DLGAP2: variants seen among roughly 807,000 people sequenced by gnomAD.
DLGAP2 encodes disks large-associated protein 2.
Under a neutral mutation model 100.3 loss-of-function variants are expected in DLGAP2, and 26 were observed. That is an observed-to-expected ratio of 0.26 (90% CI 0.19 to 0.36). DLGAP2 has a LOEUF of 0.36. DLGAP2 is among the 10% of genes least tolerant of loss of function. The pLI, the probability that DLGAP2 is intolerant of heterozygous loss-of-function variation, is 1.00. For synonymous variants in DLGAP2, 886 were observed against 630.1 expected (o/e 1.41, Z -6.08); for missense variants, 1,858 against 1,453.2 (o/e 1.28, Z -4.53).
chr8:770,874 T>C (rs1341372524), intron 1 of DLGAP2, among the ~76,000 whole-genome samples: 1 of 57,212 alleles, frequency 1.7e-5, no homozygotes, highest in Non-Finnish European at 5.4e-5. Flanking sequence ...ATTATGCCTC[T>C]TTTTTTTTTT....
Position 738,012 on chromosome 8 carries a change from G to T in DLGAP2, c.18+187G>T, listed in dbSNP as rs576643015. On this transcript the variant is annotated intron_variant, in intron 1 of 14. Transcript: ENST00000637795. The stretch of plus-strand genomic sequence containing the variant: ...GGGACCCCAGGGACAGCCTGTGCTC[G>T]GGGGTCGCGCGTTGCGCTCCTCGCC... The T allele has an allele frequency of 8.2e-5, 26 of 316,434 alleles. No individual in the cohort carries two copies. The South Asian group carries it at 3.7e-3, about 46-fold the overall frequency. 19.6% of individuals were successfully genotyped at this position (316,434 alleles called of 1,614,324 possible).
At chr8:1,465,820 G>C (rs1584931150) in intron 3 of DLGAP2, among the ~76,000 whole-genome samples, 1 of 152,230 alleles carries the variant, frequency 6.6e-6, no homozygotes, top group Non-Finnish European at 1.5e-5. Context: ...TTCTTCCTCA[G>C]GGGCGTGAGG....
intron 2 of DLGAP2, among the ~76,000 whole-genome samples, chr8:974,647 C>T (rs1800117425): frequency 6.6e-6 from 1 of 152,124 alleles, no homozygotes; most frequent in African/African-American, 2.4e-5. Flanking sequence ...TTCTAAATAA[C>T]ACATTCGTCA....
At chr8:1,656,076 C>A (rs979513713) in intron 8 of DLGAP2, among the ~76,000 whole-genome samples, 4 of 152,190 alleles carry the variant, frequency 2.6e-5, no homozygotes, top group Non-Finnish European at 5.9e-5. Context: ...GTAATCCCAG[C>A]ACTTTGGGAG....
At chr8:823,572 G>T (rs765162525) in intron 1 of DLGAP2, among the ~76,000 whole-genome samples, 1 of 152,230 alleles carries the variant, frequency 6.6e-6, no homozygotes, top group East Asian at 1.9e-4. Flanking sequence ...CCAGCAGCAC[G>T]GGGCTCAGCA....
chr8:1,310,393 G>C lies in DLGAP2; in HGVS notation c.106+51510G>C, dbSNP rs542550588. 7.2e-5 allele frequency among the ~76,000 whole-genome samples: 11 copies of C among 152,242 alleles called. No homozygotes were observed. In the East Asian group the frequency reaches 2.1e-3, roughly 29 times the overall value. On this transcript the variant is annotated intron_variant, in intron 3 of 14. Coordinates refer to ENST00000637795, the MANE Select transcript of DLGAP2 (RefSeq NM_001346810.2). ...ATGTGAAGCAACCATTGATGGAATTGGAGAAAGTAAGGGGTAGCTCTAATC... is the reference window on the plus strand; with the variant it reads ...ATGTGAAGCAACCATTGATGGAATTCGAGAAAGTAAGGGGTAGCTCTAATC...
At chr8:1,632,545 C>T (rs760356565) in intron 7 of DLGAP2, among the ~76,000 whole-genome samples, 1 of 152,232 alleles carries the variant, frequency 6.6e-6, no homozygotes, top group Non-Finnish European at 1.5e-5. Context: ...ATCTCTCTTA[C>T]ACTTTGTAAT....
Position 1,565,709 on chromosome 8 carries a change from C to T in DLGAP2, c.1257C>T (p.Tyr419=), listed in dbSNP as rs371150576. ...LQVPQDEWGG[Y]PTGGKDEEIP... ...TACCTCAGGATGAGTGGGGAGGGTA[C>T]CCCACCGGTGGCAAAGATGAGGAGA... The change falls in exon 6 of 15, where the codon TAC becomes TAT. Residue 419 remains tyrosine, a synonymous_variant. Transcript: ENST00000637795. 25 of 1,613,000 alleles carry T rather than the reference C, an allele frequency of 1.5e-5. No individual in the cohort carries two copies. In the African/African-American group the frequency reaches 2.8e-4, roughly 18 times the overall value.
Position 1,509,287 on chromosome 8 carries a change from C to A in DLGAP2, c.172+7856C>A, listed in dbSNP as rs577860805. ...CAGAGATTGCAGTGAGCTGATATTA[C>A]GCCTCTGTGCTCCGGCCTGGCAACA... On this transcript the variant is annotated intron_variant, in intron 4 of 14. Coordinates refer to ENST00000637795, the MANE Select transcript of DLGAP2 (RefSeq NM_001346810.2). 3.3e-5 allele frequency among the ~76,000 whole-genome samples: 5 copies of A among 149,278 alleles called. No homozygotes were observed. In the East Asian group the frequency reaches 9.8e-4, roughly 29 times the overall value.
At chr8:1,102,098 A>G (rs1044672295) in intron 2 of DLGAP2, among the ~76,000 whole-genome samples, 3 of 151,756 alleles carry the variant, frequency 2.0e-5, no homozygotes, top group African/African-American at 7.3e-5. Context: ...ATTATAAAAC[A>G]ACATATGTGA....
At chr8:1,589,787 C>A (rs1449276363) in intron 6 of DLGAP2, among the ~76,000 whole-genome samples, 1 of 152,096 alleles carries the variant, frequency 6.6e-6, no homozygotes, top group Admixed American at 6.6e-5. Context: ...CTGTTAGCAC[C>A]GGGGAATCCC....
chr8:1,573,327 A>G (rs1402975017), intron 6 of DLGAP2, among the ~76,000 whole-genome samples: 3 of 104,866 alleles, frequency 2.9e-5, no homozygotes, highest in South Asian at 4.5e-4. Context: ...CTGTGGGGGC[A>G]TCTGATGAGA....
intron 2 of DLGAP2, among the ~76,000 whole-genome samples, chr8:1,153,792 T>G (rs1386097128): frequency 1.3e-5 from 2 of 152,130 alleles, no homozygotes; most frequent in Non-Finnish European, 1.5e-5. Flanking sequence ...AGCGTAATGT[T>G]TTGCAGATCT....
In DLGAP2 at chr8:1,703,834, G is replaced by C. The variant is rs907149360; in HGVS notation, c.*2428G>C. The C allele has an allele frequency of 6.6e-6, 1 of 152,556 alleles. No individual in the cohort carries two copies. The highest frequency in any genetic ancestry group is 2.4e-5 in the African/African-American group (1 of 41,420). 9.5% of individuals were successfully genotyped at this position (152,556 alleles called of 1,614,324 possible). A position where few individuals can be genotyped will look rare whatever the true frequency, so the allele number is the denominator to read the frequency against. On this transcript the variant is annotated 3_prime_UTR_variant, in exon 15 of 15. Transcript: ENST00000637795. ...AAGTCTTGGCCTAAACCATCCCTAG[G>C]GGAGCAGATTAACCTACCACTACAT...
chr8:1,615,389 T>C (rs572144818), intron 6 of DLGAP2, among the ~76,000 whole-genome samples: 1 of 152,268 alleles, frequency 6.6e-6, no homozygotes, highest in African/African-American at 2.4e-5. Context: ...GTGTCCTTTA[T>C]GCCGAAAAGA....
At chr8:1,381,020 AT>A (rs2129764271) in intron 3 of DLGAP2, 1 of 150,488 alleles carries the variant, frequency 6.6e-6, no homozygotes, top group Non-Finnish European at 1.5e-5. Flanking sequence ...TTATATTTAT[AT>A]TTTACTTAAA....
At chr8:1,412,484 C>G (rs556756699) in intron 3 of DLGAP2, among the ~76,000 whole-genome samples, 1 of 152,348 alleles carries the variant, frequency 6.6e-6, no homozygotes, top group South Asian at 2.1e-4. Context: ...AAATATCCCA[C>G]TGCTGCTACT....
chr8:1,356,524 G>C (rs1243245904), intron 3 of DLGAP2, among the ~76,000 whole-genome samples: 1 of 152,156 alleles, frequency 6.6e-6, no homozygotes, highest in African/African-American at 2.4e-5. Context: ...GGGATGGGAA[G>C]CCAGGAAGCG....
At chr8:778,193 C>T (rs1821580577) in intron 1 of DLGAP2, among the ~76,000 whole-genome samples, 1 of 152,100 alleles carries the variant, frequency 6.6e-6, no homozygotes, top group South Asian at 2.1e-4. Flanking sequence ...GTTTTCAGCT[C>T]CATCAGCTCC....
Sources: allele counts gnomAD v4.1 joint callset (sites outside exome capture counted in the v4.1 genomes callset), GRCh38; gene constraint gnomAD v4.1.1; transcripts MANE v1.5; gene names NCBI Gene and HGNC (gene_info 2026-07-23, HGNC 2026-07-21).